Variants in EIF2AK4 observed in about 807,000 individuals in gnomAD.
EIF2AK4 encodes eukaryotic translation initiation factor 2 alpha kinase 4.
A neutral mutation model predicts 211.1 loss-of-function variants in EIF2AK4; 139 were observed. The ratio of observed to expected loss-of-function variants is 0.66; its 90% CI spans 0.57 to 0.76. The LOEUF is 0.76. Ranked by LOEUF, EIF2AK4 falls within the 30% of genes least tolerant of loss-of-function variation. The pLI is 0.00. For missense variants in EIF2AK4, 1,664 were observed against 2,043.8 expected, an observed-to-expected ratio of 0.81 and a Z score of 3.58; for synonymous variants, 710 against 751.3, an observed-to-expected ratio of 0.94 and a Z score of 0.90.
At chr15:40,029,131 G>A (rs963071178) in intron 33 of EIF2AK4, among the ~76,000 whole-genome samples, 2 of 152,184 alleles carry the variant, frequency 1.3e-5, no homozygotes, top group African/African-American at 4.8e-5. Flanking sequence ...TCAGCTTATT[G>A]TGTGGATCCA....
At chr15:39,939,138 A>G (rs776561300) in intron 1 of EIF2AK4, among the ~76,000 whole-genome samples, 1 of 152,020 alleles carries the variant, frequency 6.6e-6, no homozygotes, top group Non-Finnish European at 1.5e-5. Flanking sequence ...ACTCATCACT[A>G]TTTGAAATCA....
In EIF2AK4 at chr15:40,017,098, CTCTT is replaced by C; in HGVS notation, c.3931-8_3931-5del. The stretch of plus-strand genomic sequence containing the variant: ...CCCTTGACACATTTGTGTGGCATCT[CTCTT>C]TATAGGTCTTGATCAATTTGGGCTT... On this transcript the variant is annotated splice_region_variant and splice_polypyrimidine_tract_variant and intron_variant, in intron 28 of 38. Transcript: ENST00000263791. 1.2e-6 allele frequency: 2 copies of C among 1,604,362 alleles called. No homozygotes were observed. The highest frequency in any genetic ancestry group is 1.7e-6 in the Non-Finnish European group (2 of 1,171,906).
At position 40,020,987 on chromosome 15, in the gene EIF2AK4, C is replaced by T; in HGVS notation, c.4262C>T (p.Thr1421Ile). The T allele has an allele frequency of 1.2e-6, 2 of 1,613,860 alleles. No homozygotes were observed. Among genetic ancestry groups the T allele is most frequent in the Non-Finnish European group, 1.7e-6 (2 of 1,179,896 alleles). Reference sequence around the variant, plus strand: ...ATCAACCTAACCCAGAAACTCTGGACAGCAGGCATCACAGCAGAAATCATG... The same window carrying T: ...ATCAACCTAACCCAGAAACTCTGGATAGCAGGCATCACAGCAGAAATCATG... The part of the protein sequence containing the change: ...RAINLTQKLW[T>I]AGITAEIMYD... The change falls in exon 31 of 39, where the codon ACA becomes ATA. Residue 1421 changes from threonine (T) to isoleucine (I), a missense_variant. Thr to Ile is a moderately conservative substitution (Grantham distance 89). This residue lies in a region of EIF2AK4 where 622 missense variants were observed against 796.8 expected (regional missense o/e 0.78). Transcript: ENST00000263791.
chr15:39,999,664 GTT>G (rs2035066173), intron 20 of EIF2AK4, among the ~76,000 whole-genome samples: 1 of 152,174 alleles, frequency 6.6e-6, no homozygotes, highest in Non-Finnish European at 1.5e-5. Context: ...CATTTGGTAA[GTT>G]TAACATGATG....
At chr15:40,018,859 G>C (rs1407685067) in intron 29 of EIF2AK4, among the ~76,000 whole-genome samples, 1 of 152,192 alleles carries the variant, frequency 6.6e-6, no homozygotes, top group African/African-American at 2.4e-5. Flanking sequence ...GTAGTCACTT[G>C]TGACTAGTGG....
chr15:40,003,312 C>A lies in EIF2AK4; in HGVS notation c.3355C>A (p.Arg1119=), dbSNP rs1043692269. 2 of 1,613,840 alleles carry A rather than the reference C, an allele frequency of 1.2e-6. No homozygotes were observed. The highest frequency in any genetic ancestry group is 2.7e-5 in the African/African-American group (2 of 74,892). Residue 1119 remains arginine (R), a splice_region_variant and synonymous_variant, in exon 23 of 39, where the codon CGG becomes AGG. Coordinates refer to ENST00000263791, the MANE Select transcript of EIF2AK4 (RefSeq NM_001013703.4). Reference sequence around the variant, plus strand: ...GCTGGTGATGCTTCCTTTTGACCTGCGGGTGAGGCTGGGAACACACTGCTG... The same window carrying A: ...GCTGGTGATGCTTCCTTTTGACCTGAGGGTGAGGCTGGGAACACACTGCTG... ...GMLVMLPFDL[R]IPFARYVARN...
At chr15:40,033,524 GTCATA>G (rs1433300081) in intron 37 of EIF2AK4, among the ~76,000 whole-genome samples, 2 of 152,168 alleles carry the variant, frequency 1.3e-5, no homozygotes, top group African/African-American at 4.8e-5. Flanking sequence ...TTTGCAACAT[GTCATA>G]TCAAAGAATA....
At chr15:39,979,303 TAGA>T (rs1158923629) in intron 13 of EIF2AK4, among the ~76,000 whole-genome samples, 3 of 152,162 alleles carry the variant, frequency 2.0e-5, no homozygotes, top group Admixed American at 6.5e-5. Context: ...AAAATTAATT[TAGA>T]AGGATAGGGG....
At chr15:40,030,650 T>C (rs1384087428) in intron 35 of EIF2AK4, among the ~76,000 whole-genome samples, 194 bp downstream of exon 35, 1 of 152,230 alleles carries the variant, frequency 6.6e-6, no homozygotes, top group Non-Finnish European at 1.5e-5. Flanking sequence ...AGAGGGGCCA[T>C]TGTGCACTGT....
At chr15:40,017,525 A>ACATG (rs2035322755) in intron 29 of EIF2AK4, among the ~76,000 whole-genome samples, 1 of 84,164 alleles carries the variant, frequency 1.2e-5, no homozygotes, top group Non-Finnish European at 2.2e-5. Context: ...ATATATATAT[A>ACATG]TATATATATA....
chr15:39,951,075 C>T (rs561330535), intron 4 of EIF2AK4, among the ~76,000 whole-genome samples: 4 of 152,210 alleles, frequency 2.6e-5, no homozygotes, highest in African/African-American at 9.6e-5. Flanking sequence ...ATGTAGGTAC[C>T]TTTTGACCCC....
intron 37 of EIF2AK4, among the ~76,000 whole-genome samples, chr15:40,033,839 C>T (rs1346247488): frequency 6.6e-6 from 1 of 151,982 alleles, no homozygotes; most frequent in East Asian, 1.9e-4. Flanking sequence ...CCAGCCTGGC[C>T]AACATGGTGA....
At position 40,027,517 on chromosome 15, in the gene EIF2AK4, G is replaced by A. The variant is rs577774370; in HGVS notation, c.4502+1428G>A. 6.6e-5 allele frequency among the ~76,000 whole-genome samples: 10 copies of A among 152,322 alleles called. No homozygotes were observed. The South Asian group carries it at 2.1e-3, about 32-fold the overall frequency. ...TTATGATAATTTGGTGAAATATTGT[G>A]CAGCCTTTAAAAATGATGATTCTAC... On this transcript the variant is annotated intron_variant, in intron 33 of 38. Coordinates refer to ENST00000263791, the MANE Select transcript of EIF2AK4 (RefSeq NM_001013703.4).
At position 39,973,675 on chromosome 15, in the gene EIF2AK4, C is replaced by T. The variant is rs770490517; in HGVS notation, c.1744C>T (p.Gln582Ter). Residue 582 changes from glutamine (Q) to a stop codon, truncating the protein, a stop_gained, in exon 11 of 39, where the codon CAG becomes TAG. Transcript: ENST00000263791. LOFTEE classifies it high-confidence loss of function. ...SAAFFSETQRQFSRYFIEFEE... is the reference protein window; with the variant it reads ...SAAFFSETQR ...TGCCTTCTTTAGTGAGACACAGAGA[C>T]AGTTTTCCCGATACTTCATTGAGTT... The T allele has an allele frequency of 1.9e-6, 3 of 1,614,170 alleles. No homozygotes were observed. The South Asian group carries it at 3.3e-5, about 18-fold the overall frequency.
intron 37 of EIF2AK4, among the ~76,000 whole-genome samples, chr15:40,033,368 AAATT>A (rs1357850463): frequency 6.6e-6 from 1 of 152,218 alleles, no homozygotes; most frequent in African/African-American, 2.4e-5. Flanking sequence ...CCTTTTGTAA[AAATT>A]AATTAGGTCC....
intron 6 of EIF2AK4, among the ~76,000 whole-genome samples, chr15:39,957,858 A>T (rs1305950335): frequency 6.6e-6 from 1 of 152,314 alleles, no homozygotes; most frequent in Middle Eastern, 3.4e-3. Flanking sequence ...GGGTATGTAA[A>T]AAACCAGTGA....
chr15:39,994,239 C>G (rs2034989471), intron 18 of EIF2AK4, among the ~76,000 whole-genome samples: 1 of 152,184 alleles, frequency 6.6e-6, no homozygotes, highest in Non-Finnish European at 1.5e-5. Context: ...AATTTGAAAT[C>G]AGCACACAGA....
At chr15:39,973,987 C>T (rs1173889633) in intron 11 of EIF2AK4, 1 of 376,384 alleles carries the variant, frequency 2.7e-6, no homozygotes, top group Non-Finnish European at 4.7e-6. Flanking sequence ...ACATGAAACA[C>T]ACATGGTTAT....
chr15:40,011,165 A>T (rs2035230274), intron 26 of EIF2AK4, 116 bp from the exon 27 acceptor site: 1 of 767,224 alleles, frequency 1.3e-6, no homozygotes, highest in Non-Finnish European at 2.2e-6. Flanking sequence ...ATCCTGTACC[A>T]TTAGGAGCAG....
Sources: allele counts gnomAD v4.1 joint callset (sites outside exome capture counted in the v4.1 genomes callset), GRCh38; gene constraint gnomAD v4.1.1; regional missense constraint gnomAD v4.1.1; transcripts MANE v1.5; gene names NCBI Gene and HGNC (gene_info 2026-07-23, HGNC 2026-07-21).